GSE1: variants seen among roughly 807,000 people sequenced by gnomAD.
GSE1 encodes the protein genetic suppressor element 1.
In GSE1, 32 loss-of-function variants were observed where a neutral mutation model predicts 112.6. That is an observed-to-expected ratio of 0.28 (90% CI 0.21 to 0.38). The LOEUF (loss-of-function observed/expected upper bound fraction) is 0.38. GSE1 is among the 10% of genes least tolerant of loss of function. GSE1 has a pLI of 1.00. For synonymous variants in GSE1, 1,115 were observed against 735.6 expected, an observed-to-expected ratio of 1.52 and a Z score of -8.35; for missense variants, 2,348 against 1,699.2, an observed-to-expected ratio of 1.38 and a Z score of -6.71.
At chr16:85,174,934 G>T (rs1183908043) in intron 1 of GSE1, among the ~76,000 whole-genome samples, 2 of 152,172 alleles carry the variant, frequency 1.3e-5, no homozygotes, top group Non-Finnish European at 2.9e-5. Flanking sequence ...TTGGGGGGTG[G>T]TTTGAGAATT....
chr16:85,256,681 C>G (rs942312746), intron 1 of GSE1, among the ~76,000 whole-genome samples: 3 of 152,284 alleles, frequency 2.0e-5, no homozygotes, highest in Admixed American at 1.3e-4. Context: ...GACCCCATGT[C>G]TGTCCCCGTC....
chr16:85,534,226 A>G (rs988843357), intron 2 of GSE1, among the ~76,000 whole-genome samples: 4 of 151,224 alleles, frequency 2.6e-5, no homozygotes, highest in African/African-American at 7.3e-5. Flanking sequence ...GGCTCAAGCA[A>G]TCCTCCCACC....
intron 1 of GSE1, among the ~76,000 whole-genome samples, chr16:85,199,565 G>A (rs1597783856): frequency 6.6e-6 from 1 of 152,284 alleles, no homozygotes; most frequent in East Asian, 1.9e-4. Context: ...AAAGAGACAC[G>A]TTTCTTCTCC....
chr16:85,184,298 T>C (rs761925615), intron 1 of GSE1, among the ~76,000 whole-genome samples: 1 of 152,224 alleles, frequency 6.6e-6, no homozygotes, highest in Non-Finnish European at 1.5e-5. Context: ...ACTCTGCTGG[T>C]GGCATCTTCT....
intron 1 of GSE1, among the ~76,000 whole-genome samples, chr16:85,567,034 GCCCCCA>G (rs557302207): frequency 0.017 from 2,476 of 146,698 alleles, 31 homozygotes; most frequent in African/African-American, 0.028. Context: ...TGTTACTCCC[GCCCCCA>G]CCCCCACCCC....
chr16:85,562,009 A>G (rs561044498), intron 1 of GSE1, among the ~76,000 whole-genome samples: 2 of 152,350 alleles, frequency 1.3e-5, no homozygotes, highest in South Asian at 4.1e-4. Flanking sequence ...AAGGTCTTGC[A>G]TAGCCTCAGG....
At chr16:85,662,183 A>G in intron 9 of GSE1, 1 of 165,010 alleles carries the variant, frequency 6.1e-6, no homozygotes, top group Non-Finnish European at 1.3e-5. Context: ...TCAGGGGTTG[A>G]GGACGCGGCG....
intron 2 of GSE1, among the ~76,000 whole-genome samples, chr16:85,446,946 C>T (rs1192992769): frequency 6.6e-6 from 1 of 152,132 alleles, no homozygotes; most frequent in Non-Finnish European, 1.5e-5. Context: ...GCTCCCTGCA[C>T]CCCCATGCCC....
At chr16:85,551,716 C>T (rs1018701316), upstream of GSE1, among the ~76,000 whole-genome samples, 3 of 152,240 alleles carry the variant, frequency 2.0e-5, no homozygotes, top group African/African-American at 7.2e-5. Context: ...TACTTTGAGA[C>T]GCCCAGATCC....
intron 1 of GSE1, among the ~76,000 whole-genome samples, chr16:85,238,638 G>A (rs4260044): frequency 0.44 from 67,215 of 151,998 alleles, 15,033 homozygotes; most frequent in Middle Eastern, 0.55. Flanking sequence ...GGTTTGGGTC[G>A]GAGCTGGGGT....
intron 1 of GSE1, among the ~76,000 whole-genome samples, chr16:85,615,745 GGCTTGTACATCTCCAAACTC>G (rs1405816638): frequency 6.6e-6 from 1 of 152,196 alleles, no homozygotes; most frequent in Non-Finnish European, 1.5e-5. Flanking sequence ...AGTTCAAAGG[GGCTTGTACATCTCCAAACTC>G]GGTGTTTTAA....
chr16:85,527,055 C>G (rs1440249063), intron 2 of GSE1, among the ~76,000 whole-genome samples: 2 of 152,222 alleles, frequency 1.3e-5, no homozygotes, highest in Non-Finnish European at 2.9e-5. Context: ...TGGCCCTCTC[C>G]CTGCGTTCAC....
At chr16:85,279,957 A>G (rs1008704922) in intron 1 of GSE1, among the ~76,000 whole-genome samples, 2 of 152,198 alleles carry the variant, frequency 1.3e-5, no homozygotes, top group African/African-American at 4.8e-5. Flanking sequence ...AGGGTTTATC[A>G]GTGAAATTAC....
chr16:85,381,705 G>A (rs2047548333), intron 2 of GSE1, among the ~76,000 whole-genome samples: 1 of 152,226 alleles, frequency 6.6e-6, no homozygotes, highest in African/African-American at 2.4e-5. Context: ...TGGCATCAAG[G>A]CCACCAGGTC....
At chr16:85,209,402 C>T (rs1044502355) in intron 1 of GSE1, among the ~76,000 whole-genome samples, 2 of 152,186 alleles carry the variant, frequency 1.3e-5, no homozygotes, top group Non-Finnish European at 2.9e-5. Flanking sequence ...CCCGCCCCTG[C>T]TCTGATCATT....
chr16:85,326,494 G>A (rs368877433), intron 1 of GSE1, among the ~76,000 whole-genome samples: 38 of 152,172 alleles, frequency 2.5e-4, no homozygotes, highest in African/African-American at 9.2e-4. Flanking sequence ...TGGATCTTGG[G>A]GGCGTTTCCC....
At chr16:85,221,190 G>A (rs2075384923) in intron 1 of GSE1, among the ~76,000 whole-genome samples, 1 of 152,042 alleles carries the variant, frequency 6.6e-6, no homozygotes, top group Admixed American at 6.6e-5. Context: ...GTCGGCATCT[G>A]CAGCTGTCCC....
At chr16:85,633,634 C>G (rs1342075248) in intron 1 of GSE1, among the ~76,000 whole-genome samples, 2 of 152,232 alleles carry the variant, frequency 1.3e-5, no homozygotes, top group Admixed American at 1.3e-4. Flanking sequence ...CCAGCCTGGA[C>G]TGCCCTGGAG....
upstream of GSE1, among the ~76,000 whole-genome samples, chr16:85,552,320 C>CA (rs1434234907): frequency 5.7e-5 from 6 of 105,770 alleles, no homozygotes; most frequent in African/African-American, 1.9e-4. Context: ...CCACCGCACC[C>CA]GCCCCTCCTT....
Sources: gnomAD v4.1 joint callset for allele counts (sites outside exome capture counted in the v4.1 genomes callset) on GRCh38, gnomAD v4.1.1 for gene constraint, MANE v1.5 for transcripts, NCBI Gene and HGNC (gene_info 2026-07-23, HGNC 2026-07-21) for gene names.